The following ELMO1 variants were observed in gnomAD, a reference collection of about 807,000 sequenced individuals.
ELMO1 encodes the protein engulfment and cell motility 1.
A neutral mutation model predicts 98.9 loss-of-function variants in ELMO1; 26 were observed. The observed-to-expected ratio is 0.26, with a 90% CI of 0.19 to 0.36. The LOEUF is 0.36. ELMO1 is among the 10% of genes least tolerant of loss of function. The pLI, the probability that ELMO1 is intolerant of heterozygous loss-of-function variation, is 1.00. For synonymous variants in ELMO1, 346 were observed against 346.0 expected (o/e 1.00, Z 0.00); for missense variants, 627 against 935.2 (o/e 0.67, Z 4.30).
intron 14 of ELMO1, among the ~76,000 whole-genome samples, chr7:37,128,258 G>A (rs1168301089): frequency 2.0e-5 from 3 of 151,964 alleles, no homozygotes; most frequent in Admixed American, 1.3e-4. Flanking sequence ...TCTACAACAC[G>A]CTCAACTCTG....
At chr7:36,986,992 G>T (rs150709556) in intron 16 of ELMO1, among the ~76,000 whole-genome samples, 3 of 152,150 alleles carry the variant, frequency 2.0e-5, no homozygotes, top group South Asian at 2.1e-4. Flanking sequence ...TGAGAGCTCC[G>T]CAAATAAAAG....
At chr7:36,991,805 A>C (rs549543738) in intron 16 of ELMO1, among the ~76,000 whole-genome samples, 1 of 152,218 alleles carries the variant, frequency 6.6e-6, no homozygotes, top group Non-Finnish European at 1.5e-5. Flanking sequence ...ATGCAGATGC[A>C]GTGCTTACCA....
intron 16 of ELMO1, among the ~76,000 whole-genome samples, chr7:36,971,903 AT>A (rs905727215): frequency 1.3e-5 from 2 of 152,078 alleles, no homozygotes; most frequent in Admixed American, 6.6e-5. Context: ...ACAAGCAGAG[AT>A]TTTTTTTAAA....
At chr7:37,073,932 T>C (rs1187067513) in intron 15 of ELMO1, among the ~76,000 whole-genome samples, 5 of 151,340 alleles carry the variant, frequency 3.3e-5, no homozygotes, top group Admixed American at 6.6e-5. Flanking sequence ...TATATTTCTA[T>C]GTATCTTATA....
intron 1 of ELMO1, among the ~76,000 whole-genome samples, chr7:37,362,235 A>AT (rs35199959): frequency 1.8e-4 from 27 of 149,732 alleles, no homozygotes; most frequent in East Asian, 2.0e-4. Flanking sequence ...TATATATATA[A>AT]TTTCTCCGTT....
At chr7:36,940,106 G>A (rs1312760038) in intron 16 of ELMO1, among the ~76,000 whole-genome samples, 7 of 152,208 alleles carry the variant, frequency 4.6e-5, no homozygotes, top group African/African-American at 1.4e-4. Flanking sequence ...AACCCCATTA[G>A]CAGCTGGGTG....
At chr7:37,157,702 T>C (rs1788890798) in intron 13 of ELMO1, among the ~76,000 whole-genome samples, 2 of 152,080 alleles carry the variant, frequency 1.3e-5, no homozygotes, top group Non-Finnish European at 2.9e-5. Context: ...ATAGGAAGAA[T>C]CAATATCGTG....
intron 16 of ELMO1, among the ~76,000 whole-genome samples, chr7:36,953,178 GGAT>G (rs1397872471): frequency 6.6e-6 from 1 of 151,976 alleles, no homozygotes. Context: ...ATGTTAGCCA[GGAT>G]GATATCGATC....
Position 37,353,594 on chromosome 7 carries a change from G to GA in ELMO1, c.-73-10832dup, listed in dbSNP as rs373527277. 274 of 150,036 alleles carry GA rather than the reference G, an allele frequency of 1.8e-3. 7 individuals are homozygous for GA. In the South Asian group the frequency reaches 0.05, roughly 27 times the overall value. The allele number at this position is 150,036 out of a possible 1,614,324, so 9.3% of individuals were successfully genotyped here. On this transcript the variant is annotated intron_variant, in intron 1 of 21. Transcript: ENST00000310758. The stretch of plus-strand genomic sequence containing the variant: ...AGCAGCAAGATTTATTGCGAGCAGT[G>GA]AAAAAAAAACAAAGATTCCACAGCG...
At chr7:37,356,009 T>C (rs1801479859) in intron 1 of ELMO1, among the ~76,000 whole-genome samples, 2 of 152,154 alleles carry the variant, frequency 1.3e-5, no homozygotes, top group African/African-American at 2.4e-5. Flanking sequence ...TAGAAAACAA[T>C]CAATACCCCA....
At chr7:37,443,960 C>A (rs1326912099) in intron 1 of ELMO1, among the ~76,000 whole-genome samples, 1 of 152,114 alleles carries the variant, frequency 6.6e-6, no homozygotes, top group Non-Finnish European at 1.5e-5. Context: ...CCTGGAGCAC[C>A]GTGGTGAGAT....
chr7:36,897,524 A>G (rs564228734), intron 16 of ELMO1, among the ~76,000 whole-genome samples: 6 of 152,200 alleles, frequency 3.9e-5, no homozygotes, highest in African/African-American at 1.4e-4. Context: ...GAAGTCCAAG[A>G]GGAGGACCAG....
chr7:37,172,237 C>T (rs781460420), intron 13 of ELMO1, among the ~76,000 whole-genome samples: 8 of 151,454 alleles, frequency 5.3e-5, no homozygotes, highest in Non-Finnish European at 1.2e-4. Flanking sequence ...TCCTCCCCTT[C>T]GTTGAAAATC....
At chr7:37,279,045 C>A (rs1797001352) in intron 4 of ELMO1, among the ~76,000 whole-genome samples, 1 of 151,838 alleles carries the variant, frequency 6.6e-6, no homozygotes. Context: ...AATAAAAACA[C>A]AAAAAAATTA....
At chr7:37,284,909 A>C (rs536319580) in intron 4 of ELMO1, among the ~76,000 whole-genome samples, 1 of 152,304 alleles carries the variant, frequency 6.6e-6, no homozygotes, top group East Asian at 1.9e-4. Flanking sequence ...AATAGAGGGC[A>C]CTGGAGTGAT....
At position 37,222,364 on chromosome 7, in the gene ELMO1, G is replaced by C. The variant is rs145377245; in HGVS notation, c.780+251C>G. On this transcript the variant is annotated intron_variant, in intron 10 of 21. Transcript: ENST00000310758. The stretch of plus-strand genomic sequence containing the variant: ...AGGTTGCATTTCATTTCATGAAAAG[G>C]CTCTACTGCTGGAACACTCCTAGCA... Among the ~76,000 whole-genome samples the C allele has an allele frequency of 1.4e-4, 22 of 152,286 alleles. 1 individual carries two copies. In the East Asian group the frequency reaches 4.1e-3, roughly 28 times the overall value.
chr7:37,054,936 G>A (rs1333702509), intron 15 of ELMO1, among the ~76,000 whole-genome samples: 1 of 152,228 alleles, frequency 6.6e-6, no homozygotes, highest in Non-Finnish European at 1.5e-5. Context: ...AACCATTCAT[G>A]AACATATTAG....
chr7:37,012,113 G>C (rs1793604050), intron 16 of ELMO1, among the ~76,000 whole-genome samples: 1 of 152,192 alleles, frequency 6.6e-6, no homozygotes, highest in Non-Finnish European at 1.5e-5. Context: ...AAGATGCAAA[G>C]GACAGATCGT....
At chr7:37,320,913 A>T (rs1799456808) in intron 2 of ELMO1, among the ~76,000 whole-genome samples, 1 of 152,228 alleles carries the variant, frequency 6.6e-6, no homozygotes, top group South Asian at 2.1e-4. Flanking sequence ...GACTGTGAGC[A>T]GCCGCTGGCC....
Sources: allele counts gnomAD v4.1 joint callset (sites outside exome capture counted in the v4.1 genomes callset), GRCh38; gene constraint gnomAD v4.1.1; transcripts MANE v1.5; gene names NCBI Gene and HGNC (gene_info 2026-07-23, HGNC 2026-07-21).